SNTG1: variants seen among roughly 807,000 people sequenced by gnomAD.
The protein encoded by SNTG1 is syntrophin gamma 1, also known as gamma-1-syntrophin.
A neutral mutation model predicts 74.7 loss-of-function variants in SNTG1; 39 were observed. The ratio of observed to expected loss-of-function variants is 0.52; its 90% CI spans 0.40 to 0.68. The LOEUF (loss-of-function observed/expected upper bound fraction) is 0.68, where lower values mean the gene tolerates loss of function less well. Ranked by LOEUF, SNTG1 falls within the 30% of genes least tolerant of loss-of-function variation. The pLI, the probability that SNTG1 is intolerant of heterozygous loss-of-function variation, is 0.00. For synonymous variants in SNTG1, 254 were observed against 217.1 expected, an observed-to-expected ratio of 1.17 and a Z score of -1.49; for missense variants, 685 against 609.5, an observed-to-expected ratio of 1.12 and a Z score of -1.30.
intron 2 of SNTG1, among the ~76,000 whole-genome samples, chr8:50,291,242 ATGTGTG>A (rs35700232): frequency 8.2e-4 from 122 of 149,278 alleles, no homozygotes; most frequent in South Asian, 5.6e-3. Flanking sequence ...AGACAGACAT[ATGTGTG>A]TGTGTGTGTG....
chr8:50,668,551 T>TG (rs2095262053), intron 15 of SNTG1, among the ~76,000 whole-genome samples: 1 of 150,820 alleles, frequency 6.6e-6, no homozygotes, highest in African/African-American at 2.4e-5. Context: ...CTTTAAGTTC[T>TG]GGGATACATG....
At chr8:50,245,601 T>C (rs1347743724) in intron 2 of SNTG1, among the ~76,000 whole-genome samples, 2 of 152,114 alleles carry the variant, frequency 1.3e-5, no homozygotes, top group Non-Finnish European at 2.9e-5. Flanking sequence ...GAGAATCCCT[T>C]GAACCCAGGA....
chr8:50,457,792 A>G (rs1271695717), intron 8 of SNTG1: 1 of 152,240 alleles, frequency 6.6e-6, no homozygotes, highest in Non-Finnish European at 1.5e-5. Context: ...GGTGTAGCCA[A>G]GAACAGGCAA....
intron 18 of SNTG1, among the ~76,000 whole-genome samples, chr8:50,755,308 C>T (rs951606696): frequency 1.3e-5 from 2 of 150,880 alleles, no homozygotes; most frequent in African/African-American, 2.4e-5. Flanking sequence ...TAAAACTTGT[C>T]TCCGTACTTT....
At chr8:50,722,047 T>C (rs1165372888) in intron 17 of SNTG1, among the ~76,000 whole-genome samples, 1 of 150,630 alleles carries the variant, frequency 6.6e-6, no homozygotes, top group Admixed American at 6.6e-5. Flanking sequence ...AAATTCTGCT[T>C]GATAAAATTT....
intron 8 of SNTG1, among the ~76,000 whole-genome samples, chr8:50,468,842 T>G (rs928560622): frequency 2.0e-5 from 3 of 152,176 alleles, no homozygotes; most frequent in Non-Finnish European, 4.4e-5. Context: ...TTTTTAAAAA[T>G]CTGTATGCAT....
intron 15 of SNTG1, among the ~76,000 whole-genome samples, chr8:50,694,600 C>T (rs1464312197): frequency 1.3e-5 from 2 of 152,016 alleles, no homozygotes; most frequent in African/African-American, 2.4e-5. Flanking sequence ...TAACATTACC[C>T]TGATACCAAA....
In SNTG1 at chr8:50,523,373, T is replaced by C. The variant is rs1380518269; in HGVS notation, c.467-6804T>C. On this transcript the variant is annotated intron_variant, in intron 9 of 18. Coordinates refer to ENST00000642720, the MANE Select transcript of SNTG1 (RefSeq NM_018967.5). ...TGGCAGAAGAGGCTAAGCTTTTGGCTTATCTTGGCTTTCAATATGACTTCT... is the reference window on the plus strand; with the variant it reads ...TGGCAGAAGAGGCTAAGCTTTTGGCCTATCTTGGCTTTCAATATGACTTCT... Among the ~76,000 whole-genome samples the C allele has an allele frequency of 2.0e-5, 3 of 152,248 alleles. No individual in the cohort carries two copies. The East Asian group carries it at 5.8e-4, about 29-fold the overall frequency.
chr8:50,749,144 T>C (rs950163292), intron 17 of SNTG1, among the ~76,000 whole-genome samples: 1 of 151,994 alleles, frequency 6.6e-6, no homozygotes, highest in African/African-American at 2.4e-5. Flanking sequence ...AGGGAACACA[T>C]ACATGATAAG....
chr8:50,154,460 C>G (rs1433191491), intron 1 of SNTG1, among the ~76,000 whole-genome samples: 1 of 152,076 alleles, frequency 6.6e-6, no homozygotes, highest in Non-Finnish European at 1.5e-5. Context: ...CCAACGTGCC[C>G]CAGTGAGATG....
intron 15 of SNTG1, among the ~76,000 whole-genome samples, chr8:50,686,379 G>T (rs1168081144): frequency 6.6e-6 from 1 of 152,162 alleles, no homozygotes; most frequent in African/African-American, 2.4e-5. Flanking sequence ...TCCCTCATTA[G>T]ATAAATTAAA....
At chr8:50,002,411 T>C (rs926428951) in intron 1 of SNTG1, among the ~76,000 whole-genome samples, 5 of 152,120 alleles carry the variant, frequency 3.3e-5, no homozygotes, top group Admixed American at 6.6e-5. Flanking sequence ...AAACTCAATA[T>C]TGCCTGTTTT....
chr8:50,186,480 A>C (rs979928439), intron 2 of SNTG1, among the ~76,000 whole-genome samples: 18 of 152,156 alleles, frequency 1.2e-4, no homozygotes, highest in African/African-American at 4.3e-4. Flanking sequence ...ACTAATTTAC[A>C]TTCACACCAA....
At chr8:50,744,183 A>G (rs1030600773) in intron 17 of SNTG1, among the ~76,000 whole-genome samples, 32 of 152,010 alleles carry the variant, frequency 2.1e-4, no homozygotes, top group Admixed American at 1.2e-3. Flanking sequence ...CAAATATCCA[A>G]ACTAAATAAC....
rs973529684 is a variant in SNTG1 at position 50,165,047 on chromosome 8, T to C, written c.-102-7514T>C. 4.6e-5 allele frequency among the ~76,000 whole-genome samples: 7 copies of C among 152,250 alleles called. No individual in the cohort carries two copies. In the South Asian group the frequency reaches 8.3e-4, roughly 18 times the overall value. Reference sequence around the variant, plus strand: ...CCCCAGCAGGAAAAATAATCTTTCATCTCCCACACACACACACAAAAAATG... The same window carrying C: ...CCCCAGCAGGAAAAATAATCTTTCACCTCCCACACACACACACAAAAAATG... On this transcript the variant is annotated intron_variant, in intron 1 of 18. Coordinates refer to ENST00000642720, the MANE Select transcript of SNTG1 (RefSeq NM_018967.5).
chr8:50,272,421 G>C (rs1178013369), intron 2 of SNTG1, among the ~76,000 whole-genome samples: 15 of 152,106 alleles, frequency 9.9e-5, no homozygotes, highest in Admixed American at 9.8e-4. Context: ...CAGCTTCTTT[G>C]ATTCCTGGGC....
At chr8:50,160,932 AG>A (rs1488280166) in intron 1 of SNTG1, among the ~76,000 whole-genome samples, 8 of 152,192 alleles carry the variant, frequency 5.3e-5, no homozygotes, top group Non-Finnish European at 1.2e-4. Context: ...GTGTGGGGAA[AG>A]GGGAGTTCAG....
intron 9 of SNTG1, among the ~76,000 whole-genome samples, chr8:50,511,195 G>C (rs192038656): frequency 2.6e-5 from 4 of 152,174 alleles, no homozygotes; most frequent in Non-Finnish European, 5.9e-5. Flanking sequence ...TTCAGGAGCA[G>C]GTTGTTCAGT....
At chr8:50,075,128 A>C (rs933585023) in intron 1 of SNTG1, among the ~76,000 whole-genome samples, 1 of 152,152 alleles carries the variant, frequency 6.6e-6, no homozygotes, top group Admixed American at 6.5e-5. Flanking sequence ...GCAGCCTGCC[A>C]TGCCCGAGCC....
Sources: gnomAD v4.1 joint callset for allele counts (sites outside exome capture counted in the v4.1 genomes callset) on GRCh38, gnomAD v4.1.1 for gene constraint, MANE v1.5 for transcripts, NCBI Gene and HGNC (gene_info 2026-07-23, HGNC 2026-07-21) for gene names.